SCYL2: variants seen among roughly 807,000 people sequenced by gnomAD.
SCYL2 encodes the protein SCY1-like protein 2.
A neutral mutation model predicts 100.4 loss-of-function variants in SCYL2; 36 were observed. The ratio of observed to expected loss-of-function variants is 0.36; its 90% CI spans 0.27 to 0.47. The LOEUF is 0.47. Among genes scored for constraint, SCYL2 ranks in the 20% least tolerant of loss-of-function variants. The pLI is 1.00. For missense variants in SCYL2, 902 were observed against 1,083.9 expected (o/e 0.83, Z 2.36); for synonymous variants, 330 against 359.2 (o/e 0.92, Z 0.92).
rs2096341453 is a variant in SCYL2 at position 100,310,983 on chromosome 12, A to G, written c.481-61A>G. 6 of 1,367,966 alleles carry G rather than the reference A, an allele frequency of 4.4e-6. No individual in the cohort carries two copies. The South Asian group carries it at 7.5e-5, about 17-fold the overall frequency. 84.7% of individuals were successfully genotyped at this position (1,367,966 alleles called of 1,614,324 possible). A position where few individuals can be genotyped will look rare whatever the true frequency, so the allele number is the denominator to read the frequency against. On this transcript the variant is annotated intron_variant, in intron 4 of 17. Coordinates refer to ENST00000360820, the MANE Select transcript of SCYL2 (RefSeq NM_017988.6). ...TAGCAATAATTATTATTTTTGTGAGACATTTTATTATAATTGAAAGGAGTT... is the reference window on the plus strand; with the variant it reads ...TAGCAATAATTATTATTTTTGTGAGGCATTTTATTATAATTGAAAGGAGTT...
At chr12:100,288,392 CCT>C (rs2096306770) in intron 2 of SCYL2, among the ~76,000 whole-genome samples, 4 of 152,146 alleles carry the variant, frequency 2.6e-5, no homozygotes, top group African/African-American at 7.2e-5. Flanking sequence ...AAACCATCCT[CCT>C]GCCTCATTTT....
chr12:100,267,294 T>C lies in SCYL2; in HGVS notation c.-527T>C. The stretch of plus-strand genomic sequence containing the variant: ...CGGAGGATATGGAGTAAAGCCAGAG[T>C]CAGTGGCCAGGCACGAAGGCAGAGC... On this transcript the variant is annotated 5_prime_UTR_variant, in exon 1 of 18. Coordinates refer to ENST00000360820, the MANE Select transcript of SCYL2 (RefSeq NM_017988.6). 1.9e-6 allele frequency: 1 copy of C among 528,098 alleles called. No homozygotes were observed. Among genetic ancestry groups the C allele is most frequent in the East Asian group, 3.2e-5 (1 of 31,280 alleles). The allele number at this position is 528,098 out of a possible 1,614,324, so 32.7% of individuals were successfully genotyped here. A position where few individuals can be genotyped will look rare whatever the true frequency, so the allele number is the denominator to read the frequency against.
rs779106248 is a variant in SCYL2 at position 100,323,533 on chromosome 12, T to A, written c.1404T>A (p.Cys468Ter). 2 of 1,566,812 alleles carry A rather than the reference T, an allele frequency of 1.3e-6. No individual in the cohort carries two copies. The highest frequency in any genetic ancestry group is 8.8e-7 in the Non-Finnish European group (1 of 1,142,082). ...GTTTATTTTCTTTATAGGAGCTCTG[T>A]CTAAACATCATTCCAACCTTTGCAA... ...EAPSIQIQEL[C>*]LNIIPTFANL... The change falls in exon 11 of 18, where the codon TGT (cysteine) becomes TGA (stop). Residue 468 changes from cysteine (C) to a stop codon, truncating the protein, a stop_gained. Coordinates refer to ENST00000360820, the MANE Select transcript of SCYL2 (RefSeq NM_017988.6). LOFTEE classifies it high-confidence loss of function.
At chr12:100,275,513 C>T (rs1161985999) in intron 1 of SCYL2, among the ~76,000 whole-genome samples, 3 of 152,166 alleles carry the variant, frequency 2.0e-5, no homozygotes, top group Non-Finnish European at 4.4e-5. Context: ...ACAATCTTTT[C>T]AAATATGTTG....
intron 8 of SCYL2, 69 bp from the exon 9 acceptor site, chr12:100,315,489 A>C: frequency 7.7e-7 from 1 of 1,294,146 alleles, no homozygotes; most frequent in Non-Finnish European, 1.0e-6. Context: ...TTTAGACCTT[A>C]GTGTTAACTA....
chr12:100,309,933 TTCTC>T (rs1039140946), intron 4 of SCYL2, among the ~76,000 whole-genome samples: 2 of 152,160 alleles, frequency 1.3e-5, no homozygotes, highest in African/African-American at 4.8e-5. Flanking sequence ...TATTATTTTT[TTCTC>T]TCTCTCTATT....
chr12:100,325,930 G>T (rs2096361247), intron 11 of SCYL2, among the ~76,000 whole-genome samples: 1 of 151,884 alleles, frequency 6.6e-6, no homozygotes, highest in Admixed American at 6.6e-5. Flanking sequence ...GTAGAACTAT[G>T]GTGCTTTATT....
At chr12:100,281,415 G>T (rs1306651195) in intron 1 of SCYL2, among the ~76,000 whole-genome samples, 2 of 152,130 alleles carry the variant, frequency 1.3e-5, no homozygotes, top group African/African-American at 4.8e-5. Flanking sequence ...GGCTAGGTGT[G>T]GTGGCTTATT....
Position 100,267,376 on chromosome 12 carries a change from C to G in SCYL2, c.-445C>G. 3.5e-6 allele frequency: 1 copy of G among 282,394 alleles called. No homozygotes were observed. The highest frequency in any genetic ancestry group is 6.7e-6 in the Non-Finnish European group (1 of 149,224). 17.5% of individuals were successfully genotyped at this position (282,394 alleles called of 1,614,324 possible). On this transcript the variant is annotated 5_prime_UTR_variant, in exon 1 of 18. Transcript: ENST00000360820. The stretch of plus-strand genomic sequence containing the variant: ...CGGGGGGAAAGAGCCCCAGCACCGC[C>G]CCTCCTGGAAGAAGGAAGAGGTAAG...
intron 5 of SCYL2, 21 bp from the exon 6 acceptor site, chr12:100,312,411 T>C: frequency 6.6e-7 from 1 of 1,519,564 alleles, no homozygotes; most frequent in Non-Finnish European, 9.1e-7. Context: ...GTAACCCATG[T>C]AATTCCTTTT....
Position 100,267,407 on chromosome 12 carries a change from G to C in SCYL2, c.-414G>C, listed in dbSNP as rs908740604. The C allele has an allele frequency of 4.7e-5, 10 of 214,958 alleles. No homozygotes were observed. Among genetic ancestry groups the C allele is most frequent in the Admixed American group, 1.8e-4 (3 of 16,990 alleles). The allele number at this position is 214,958 out of a possible 1,614,324, so 13.3% of individuals were successfully genotyped here. On this transcript the variant is annotated 5_prime_UTR_variant, in exon 1 of 18. Coordinates refer to ENST00000360820, the MANE Select transcript of SCYL2 (RefSeq NM_017988.6). ...TGGAAGAAGGAAGAGGTAAGTGACCGGCCGCCGGCACCGACCGACCTCCCT... is the reference window on the plus strand; with the variant it reads ...TGGAAGAAGGAAGAGGTAAGTGACCCGCCGCCGGCACCGACCGACCTCCCT...
At chr12:100,324,083 G>T (rs2096359167) in intron 11 of SCYL2, among the ~76,000 whole-genome samples, 1 of 152,040 alleles carries the variant, frequency 6.6e-6, no homozygotes, top group Non-Finnish European at 1.5e-5. Context: ...TAGAGTACAA[G>T]AAAGCAATAA....
chr12:100,276,715 A>AT (rs1214716069), intron 1 of SCYL2, among the ~76,000 whole-genome samples: 1 of 151,638 alleles, frequency 6.6e-6, no homozygotes, highest in Admixed American at 6.6e-5. Context: ...ACTTCATTGG[A>AT]TTTTTTTCCT....
chr12:100,281,034 T>TG lies in SCYL2; in HGVS notation c.-28-1909_-28-1908insG, dbSNP rs1215373847. Among the ~76,000 whole-genome samples the TG allele has an allele frequency of 8.4e-4, 114 of 135,640 alleles. 4 individuals are homozygous for TG. Among genetic ancestry groups the TG allele is most frequent in the African/African-American group, 1.9e-3 (67 of 35,862 alleles). The allele number at this position is 135,640 out of a possible 152,430, so 89.0% of individuals were successfully genotyped here. On this transcript the variant is annotated intron_variant, in intron 1 of 17. Transcript: ENST00000360820. ...TACCATCAGTGTTTTTTTTTTTTTT[T>TG]TTTTTTTTTTTTTTGAGATAGAGCC...
intron 13 of SCYL2, among the ~76,000 whole-genome samples, chr12:100,330,494 TAATTG>T (rs1952195793): frequency 6.6e-6 from 1 of 152,182 alleles, no homozygotes; most frequent in African/African-American, 2.4e-5. Flanking sequence ...GCAAAAATAT[TAATTG>T]AATTGAGAGA....
chr12:100,270,873 A>G (rs573526203), intron 1 of SCYL2, among the ~76,000 whole-genome samples: 1 of 151,830 alleles, frequency 6.6e-6, no homozygotes, highest in African/African-American at 2.4e-5. Flanking sequence ...CCCTGCATTT[A>G]GCATGGTGCT....
In SCYL2 at chr12:100,329,286, C is replaced by A; in HGVS notation, c.1728C>A (p.Pro576=). The A allele has an allele frequency of 6.3e-7, 1 of 1,596,944 alleles. No individual in the cohort carries two copies. Among genetic ancestry groups the A allele is most frequent in the Non-Finnish European group, 8.6e-7 (1 of 1,164,926 alleles). Residue 576 remains proline (P), a synonymous_variant, in exon 13 of 18, where the codon CCC becomes CCA. Transcript: ENST00000360820. The stretch of plus-strand genomic sequence containing the variant: ...GAAAAGTGTTGCCTCATCTTATTCC[C>A]CTGAGTATTGAAAACAATCTTAATC... The part of the protein sequence containing the change: ...LAGKVLPHLI[P]LSIENNLNLN...
Position 100,298,190 on chromosome 12 carries a change from T to A in SCYL2, c.480+15T>A. On this transcript the variant is annotated intron_variant, in intron 4 of 17. Coordinates refer to ENST00000360820, the MANE Select transcript of SCYL2 (RefSeq NM_017988.6). ...GTTTGCTTCAGGTATGTATTTTTAT[T>A]CATCATGTAAAAAAGAGTTGTTTCC... 6.7e-7 allele frequency: 1 copy of A among 1,494,052 alleles called. No individual in the cohort carries two copies. The highest frequency in any genetic ancestry group is 1.3e-5 in the South Asian group (1 of 77,064). 92.5% of individuals were successfully genotyped at this position (1,494,052 alleles called of 1,614,324 possible).
chr12:100,300,156 C>T (rs2096325815), intron 4 of SCYL2, among the ~76,000 whole-genome samples: 1 of 152,108 alleles, frequency 6.6e-6, no homozygotes, highest in African/African-American at 2.4e-5. Flanking sequence ...ATCTGAATAT[C>T]TTTTTAGGTG....
Sources: gnomAD v4.1 joint callset for allele counts (sites outside exome capture counted in the v4.1 genomes callset) on GRCh38, gnomAD v4.1.1 for gene constraint, MANE v1.5 for transcripts, NCBI Gene and HGNC (gene_info 2026-07-23, HGNC 2026-07-21) for gene names.